The following ENOSF1 variants were observed in gnomAD, a reference collection of about 807,000 sequenced individuals.
ENOSF1 encodes the protein mitochondrial enolase superfamily member 1.
Under a neutral mutation model 68.2 loss-of-function variants are expected in ENOSF1, and 73 were observed. That is an observed-to-expected ratio of 1.07 (90% CI 0.89 to 1.30). The LOEUF is 1.30. ENOSF1 is among the 50% of genes most tolerant of loss of function. The pLI is 0.00. For missense variants in ENOSF1, 589 were observed against 554.5 expected (o/e 1.06, Z -0.62); for synonymous variants, 223 against 210.4 (o/e 1.06, Z -0.52).
At chr18:690,691 T>G (rs1287564861) in intron 7 of ENOSF1, 60 bp from the exon 8 acceptor site, 2 of 1,165,418 alleles carry the variant, frequency 1.7e-6, no homozygotes, top group Non-Finnish European at 1.1e-6. Context: ...GAATTGGAAG[T>G]GCCTGTAGCT....
downstream of ENOSF1, chr18:669,204 C>T (rs771019062): frequency 5.7e-6 from 9 of 1,582,264 alleles, no homozygotes; most frequent in Admixed American, 8.4e-5. Context: ...TTCATTTATA[C>T]TAACCATACT....
At chr18:704,470 A>G (rs958642709) in intron 2 of ENOSF1, among the ~76,000 whole-genome samples, 36 of 148,308 alleles carry the variant, frequency 2.4e-4, no homozygotes, top group Non-Finnish European at 2.5e-4. Context: ...ACAGCCTAAT[A>G]TATCCTCTCT....
intron 2 of ENOSF1, among the ~76,000 whole-genome samples, chr18:704,360 T>C (rs1018482634): frequency 2.2e-5 from 3 of 137,084 alleles, no homozygotes; most frequent in Admixed American, 8.4e-5. Context: ...ACCCGGGAGG[T>C]GGAGGTTGTA....
intron 1 of ENOSF1, among the ~76,000 whole-genome samples, chr18:707,280 CTCTTAAAGTGCTGGGATT>C (rs941263100): frequency 1.3e-5 from 2 of 152,148 alleles, no homozygotes; most frequent in Non-Finnish European, 2.9e-5. Context: ...CCGCTTGGGC[CTCTTAAAGTGCTGGGATT>C]ACAGGCATGA....
At chr18:702,772 CAT>C (rs1183932025) in intron 2 of ENOSF1, among the ~76,000 whole-genome samples, 1 of 151,820 alleles carries the variant, frequency 6.6e-6, no homozygotes, top group African/African-American at 2.4e-5. Flanking sequence ...ACTTTAAAAA[CAT>C]AAAAAAAGGA....
At chr18:707,200 T>TA (rs1439477003) in intron 1 of ENOSF1, among the ~76,000 whole-genome samples, 17 of 152,092 alleles carry the variant, frequency 1.1e-4, no homozygotes, top group Non-Finnish European at 2.9e-5. Context: ...ATTTTTTAAA[T>TA]AAAAAAATAG....
At chr18:695,165 A>AT (rs2077591117) in intron 3 of ENOSF1, among the ~76,000 whole-genome samples, 1 of 152,176 alleles carries the variant, frequency 6.6e-6, no homozygotes, top group Admixed American at 6.5e-5. Context: ...TTTACCTGGA[A>AT]TAATTTTTCT....
downstream of ENOSF1, among the ~76,000 whole-genome samples, chr18:668,404 G>A (rs921318368): frequency 1.3e-5 from 2 of 152,202 alleles, no homozygotes; most frequent in Admixed American, 6.5e-5. Context: ...TCAGCTTCCA[G>A]TTCCATCTCA....
intron 15 of ENOSF1, among the ~76,000 whole-genome samples, chr18:674,800 G>A (rs561777722): frequency 2.2e-4 from 34 of 152,302 alleles, no homozygotes; most frequent in African/African-American, 5.8e-4. Flanking sequence ...GATTACAGGC[G>A]TAAGCCACCA....
downstream of ENOSF1, among the ~76,000 whole-genome samples, chr18:666,265 C>T (rs34502878): frequency 0.016 from 2,433 of 151,526 alleles, 157 homozygotes; most frequent in East Asian, 0.23. Context: ...GGAAGTTCAT[C>T]GGTGGGACAA....
intron 2 of ENOSF1, among the ~76,000 whole-genome samples, chr18:699,983 G>A (rs537899173): frequency 2.3e-4 from 35 of 152,310 alleles, no homozygotes; most frequent in African/African-American, 8.4e-4. Context: ...GGGAAGCGGA[G>A]GGAGGAGAAT....
intron 10 of ENOSF1, among the ~76,000 whole-genome samples, chr18:685,151 A>C (rs975367607): frequency 1.3e-5 from 2 of 151,848 alleles, no homozygotes; most frequent in Non-Finnish European, 1.5e-5. Context: ...GGCATGAGCC[A>C]TATAATGCTA....
Position 670,615 on chromosome 18 carries a change from T to C in ENOSF1, c.*3690A>G, listed in dbSNP as rs2074998449. Reference sequence around the variant, plus strand: ...CACCATATGAGTTGGCTTCTGTTTCTCTCCTGTTTTACTTTGCCTTTAGCT... The same window carrying C: ...CACCATATGAGTTGGCTTCTGTTTCCCTCCTGTTTTACTTTGCCTTTAGCT... On this transcript the variant is annotated 3_prime_UTR_variant, in exon 16 of 16. Transcript: ENST00000647584. The C allele has an allele frequency of 6.6e-7, 1 of 1,520,132 alleles. No individual in the cohort carries two copies. The highest frequency in any genetic ancestry group is 9.0e-7 in the Non-Finnish European group (1 of 1,114,140). The allele number at this position is 1,520,132 out of a possible 1,614,324, so 94.2% of individuals were successfully genotyped here. A position where few individuals can be genotyped will look rare whatever the true frequency, so the allele number is the denominator to read the frequency against.
downstream of ENOSF1, among the ~76,000 whole-genome samples, chr18:669,982 C>A (rs540974235): frequency 1.1e-4 from 17 of 150,738 alleles, no homozygotes; most frequent in Middle Eastern, 6.9e-3. Flanking sequence ...ACAACAACAA[C>A]AAAACTCTAT....
chr18:669,191 G>C, downstream of ENOSF1: 1 of 1,605,422 alleles, frequency 6.2e-7, no homozygotes, highest in Middle Eastern at 1.7e-4. Context: ...GAACCCCGTC[G>C]TCTTCATTTA....
chr18:683,517 C>T, intron 10 of ENOSF1, 137 bp from the exon 11 acceptor site: 1 of 918,028 alleles, frequency 1.1e-6, no homozygotes, highest in Admixed American at 2.7e-5. Context: ...TGCTGAGGCC[C>T]AGCACACGGC....
rs771582451 is a variant in ENOSF1, at chr18:670,668, T to C, written c.*3637A>G. ...GGTCTTTCAAACCACCATCCCTCCT[T>C]ATCTTCCTCTGCTGGTTCCTCAGAT... On this transcript the variant is annotated 3_prime_UTR_variant, in exon 16 of 16. Coordinates refer to ENST00000647584, the MANE Select transcript of ENOSF1 (RefSeq NM_017512.7). 18 of 1,612,044 alleles carry C rather than the reference T, an allele frequency of 1.1e-5. No homozygotes were observed. In the South Asian group the frequency reaches 1.4e-4, roughly 13 times the overall value.
intron 5 of ENOSF1, chr18:693,162 CCA>C (rs1353061361): frequency 1.9e-5 from 24 of 1,289,004 alleles, no homozygotes; most frequent in Non-Finnish European, 2.4e-5. Flanking sequence ...TCCTCAGCAT[CCA>C]GTTGTTCACC....
chr18:668,793 C>T (rs962892833), downstream of ENOSF1, among the ~76,000 whole-genome samples: 5 of 152,094 alleles, frequency 3.3e-5, no homozygotes, highest in African/African-American at 9.7e-5. Context: ...ATGGGGGGAA[C>T]AGGAGGAGGT....
Sources: allele counts gnomAD v4.1 joint callset (sites outside exome capture counted in the v4.1 genomes callset), GRCh38; gene constraint gnomAD v4.1.1; transcripts MANE v1.5; gene names NCBI Gene and HGNC (gene_info 2026-07-23, HGNC 2026-07-21).